The following IPO11 variants were observed in gnomAD, a reference collection of about 807,000 sequenced individuals.
IPO11 encodes the protein importin 11, also known as importin-11.
Under a neutral mutation model 143.2 loss-of-function variants are expected in IPO11, and 66 were observed. The observed-to-expected ratio is 0.46, with a 90% CI of 0.38 to 0.57. The LOEUF is 0.57. IPO11 is among the 20% of genes least tolerant of loss of function. The pLI is 0.00. For missense variants in IPO11, 1,026 were observed against 1,141.0 expected, an observed-to-expected ratio of 0.90 and a Z score of 1.45; for synonymous variants, 385 against 377.8, an observed-to-expected ratio of 1.02 and a Z score of -0.22.
intron 27 of IPO11, among the ~76,000 whole-genome samples, chr5:62,589,060 T>A (rs558113732): frequency 1.3e-5 from 2 of 152,230 alleles, no homozygotes; most frequent in Admixed American, 1.3e-4. Context: ...TACGAAGATA[T>A]CCTTGTGTTT....
intron 9 of IPO11, among the ~76,000 whole-genome samples, chr5:62,479,287 A>G (rs1391730959): frequency 2.0e-5 from 3 of 152,172 alleles, no homozygotes; most frequent in East Asian, 3.8e-4. Flanking sequence ...TTATGGCTGC[A>G]TAGTATTGCA....
intron 27 of IPO11, among the ~76,000 whole-genome samples, chr5:62,585,912 G>A (rs1744754986): frequency 6.6e-6 from 1 of 152,192 alleles, no homozygotes; most frequent in South Asian, 2.1e-4. Flanking sequence ...CTGGTTTCTA[G>A]CATGAGTCAC....
intron 26 of IPO11, among the ~76,000 whole-genome samples, chr5:62,559,367 T>C (rs1470715328): frequency 6.6e-6 from 1 of 151,976 alleles, no homozygotes; most frequent in Non-Finnish European, 1.5e-5. Context: ...TTGGTAGTGA[T>C]AACAAAATCA....
At chr5:62,613,416 C>T (rs1486423127) in intron 29 of IPO11, among the ~76,000 whole-genome samples, 6 of 150,904 alleles carry the variant, frequency 4.0e-5, no homozygotes, top group Non-Finnish European at 7.4e-5. Flanking sequence ...CATCCTCCCA[C>T]CTCAGCCCTC....
At chr5:62,618,751 G>C (rs147158494) in intron 29 of IPO11, among the ~76,000 whole-genome samples, 1 of 151,990 alleles carries the variant, frequency 6.6e-6, no homozygotes, top group Non-Finnish European at 1.5e-5. Flanking sequence ...TTATAACCAC[G>C]GAACAAAAAA....
At chr5:62,567,988 C>T (rs901294277) in intron 27 of IPO11, among the ~76,000 whole-genome samples, 1 of 151,468 alleles carries the variant, frequency 6.6e-6, no homozygotes, top group Non-Finnish European at 1.5e-5. Context: ...TTGATTGAGA[C>T]AGGGTCTTGC....
intron 29 of IPO11, among the ~76,000 whole-genome samples, chr5:62,618,419 G>GA (rs548202153): frequency 1.4e-4 from 22 of 151,996 alleles, no homozygotes; most frequent in African/African-American, 4.6e-4. Context: ...ACAGACATTA[G>GA]AAAAAATCAG....
At chr5:62,570,354 TC>T (rs1309027830) in intron 27 of IPO11, among the ~76,000 whole-genome samples, 3 of 152,218 alleles carry the variant, frequency 2.0e-5, no homozygotes, top group Non-Finnish European at 4.4e-5. Flanking sequence ...TTGAGGTGTT[TC>T]TATCTTCCTA....
chr5:62,581,589 G>A (rs1744568310), intron 27 of IPO11: 1 of 283,150 alleles, frequency 3.5e-6, no homozygotes. Context: ...TTGAAAGGTG[G>A]CACTATTTAT....
intron 27 of IPO11, among the ~76,000 whole-genome samples, chr5:62,579,207 G>A (rs932405176): frequency 6.6e-6 from 1 of 152,142 alleles, no homozygotes; most frequent in Admixed American, 6.5e-5. Context: ...CAAATAGTGG[G>A]TTAATGGCCT....
At chr5:62,462,847 T>C (rs1745413010) in intron 5 of IPO11, among the ~76,000 whole-genome samples, 1 of 152,030 alleles carries the variant, frequency 6.6e-6, no homozygotes, top group Non-Finnish European at 1.5e-5. Flanking sequence ...AATCTTACTT[T>C]TAATTGAGGA....
intron 27 of IPO11, chr5:62,578,688 A>G: frequency 2.1e-6 from 1 of 468,480 alleles, no homozygotes; most frequent in Non-Finnish European, 4.4e-6. Context: ...AGATAAAATT[A>G]CTTCCTGTCT....
chr5:62,615,114 G>A (rs1416687907), intron 29 of IPO11, among the ~76,000 whole-genome samples: 1 of 152,150 alleles, frequency 6.6e-6, no homozygotes, highest in African/African-American at 2.4e-5. Context: ...CAGGATAAGG[G>A]GGTGTGGTGG....
intron 4 of IPO11, 23 bp from the exon 5 acceptor site, chr5:62,451,707 T>C: frequency 6.3e-7 from 1 of 1,594,608 alleles, no homozygotes; most frequent in East Asian, 2.2e-5. Context: ...CTTGATTCCA[T>C]TTGTTTAATT....
In IPO11 at chr5:62,526,185, C is replaced by T; in HGVS notation, c.1940C>T (p.Pro647Leu). 1.2e-6 allele frequency: 2 copies of T among 1,613,706 alleles called. No individual in the cohort carries two copies. The highest frequency in any genetic ancestry group is 2.2e-5 in the South Asian group (2 of 91,086). Residue 647 changes from proline to leucine, a missense_variant, in exon 21 of 30, where the codon CCA becomes CTA. Pro to Leu is a moderately conservative substitution (Grantham distance 98). This residue lies in a region of IPO11 where 237 missense variants were observed against 288.0 expected (regional missense o/e 0.82). Coordinates refer to ENST00000325324, the MANE Select transcript of IPO11 (RefSeq NM_016338.5). Reference sequence around the variant, plus strand: ...AAGAACCTGTACCCTTTCCTGCTCCCAGTTATTCAACTGAGTACAGATGTT... The same window carrying T: ...AAGAACCTGTACCCTTTCCTGCTCCTAGTTATTCAACTGAGTACAGATGTT... The part of the protein sequence containing the change: ...DSKNLYPFLL[P>L]VIQLSTDVSQ...
intron 27 of IPO11, among the ~76,000 whole-genome samples, chr5:62,581,906 G>A (rs1475885761): frequency 6.6e-6 from 1 of 152,142 alleles, no homozygotes; most frequent in Non-Finnish European, 1.5e-5. Flanking sequence ...ATCAAAACTG[G>A]ATCACGAAGA....
chr5:62,610,817 A>G (rs1231541611), intron 29 of IPO11, among the ~76,000 whole-genome samples: 2 of 152,168 alleles, frequency 1.3e-5, no homozygotes, highest in Non-Finnish European at 1.5e-5. Flanking sequence ...TACCATGTGA[A>G]AACCATTGAT....
At chr5:62,609,626 C>T (rs185508697) in intron 29 of IPO11, among the ~76,000 whole-genome samples, 64 of 152,316 alleles carry the variant, frequency 4.2e-4, no homozygotes, top group African/African-American at 1.4e-3. Flanking sequence ...GTAGGGCTGA[C>T]AACACAATTG....
At position 62,435,409 on chromosome 5, in the gene IPO11, C is replaced by T. The variant is rs561807627; in HGVS notation, c.-6-1865C>T. 5.8e-4 allele frequency among the ~76,000 whole-genome samples: 86 copies of T among 147,344 alleles called. 1 individual carries two copies. Among genetic ancestry groups the T allele is most frequent in the Middle Eastern group, 3.6e-3 (1 of 274 alleles). The stretch of plus-strand genomic sequence containing the variant: ...TTTGAGACCAGCCTGGGCAACAAAG[C>T]GAGACCTTGTCTCTACAAAAAATAA... On this transcript the variant is annotated intron_variant, in intron 1 of 29. Transcript: ENST00000325324.
Sources: gnomAD v4.1 joint callset for allele counts (sites outside exome capture counted in the v4.1 genomes callset) on GRCh38, gnomAD v4.1.1 for gene constraint, gnomAD v4.1.1 regional missense constraint, MANE v1.5 for transcripts, NCBI Gene and HGNC (gene_info 2026-07-23, HGNC 2026-07-21) for gene names.